The following SH3RF2 variants were observed in gnomAD, a reference collection of about 807,000 sequenced individuals.
The protein encoded by SH3RF2 is E3 ubiquitin-protein ligase SH3RF2.
Under a neutral mutation model 59.0 loss-of-function variants are expected in SH3RF2, and 43 were observed. The ratio of observed to expected loss-of-function variants is 0.73; its 90% CI spans 0.57 to 0.94. The LOEUF is 0.94. Among genes scored for constraint, SH3RF2 ranks in the 40% least tolerant of loss-of-function variants. The probability of loss-of-function intolerance (pLI) is 0.00; values close to 1 mark genes in which losing one functional copy is unlikely to be tolerated. For synonymous variants in SH3RF2, 391 were observed against 391.5 expected (o/e 1.00, Z 0.01); for missense variants, 930 against 940.1 (o/e 0.99, Z 0.14).
chr5:145,965,721 G>A (rs954338782), intron 2 of SH3RF2, among the ~76,000 whole-genome samples: 1 of 152,106 alleles, frequency 6.6e-6, no homozygotes, highest in Non-Finnish European at 1.5e-5. Context: ...CCAGCCAGAC[G>A]ACTAGGCCAT....
chr5:145,948,840 A>G (rs1230647561), intron 2 of SH3RF2, among the ~76,000 whole-genome samples: 2 of 152,210 alleles, frequency 1.3e-5, no homozygotes, highest in African/African-American at 4.8e-5. Context: ...CAGACTGTAC[A>G]GTGCTGTCTG....
At chr5:145,939,496 C>T (rs1342734434) in intron 2 of SH3RF2, among the ~76,000 whole-genome samples, 1 of 152,212 alleles carries the variant, frequency 6.6e-6, no homozygotes, top group Non-Finnish European at 1.5e-5. Flanking sequence ...CTTTAAACCA[C>T]CCATGGCGCA....
chr5:145,971,552 AC>A (rs1759079967), intron 2 of SH3RF2, among the ~76,000 whole-genome samples: 1 of 152,360 alleles, frequency 6.6e-6, no homozygotes, highest in East Asian at 1.9e-4. Context: ...GGCACCAAAT[AC>A]AGTGTTTATT....
chr5:146,062,935 T>A lies in SH3RF2; in HGVS notation c.*234T>A. On this transcript the variant is annotated 3_prime_UTR_variant, in exon 10 of 10. Coordinates refer to ENST00000359120, the MANE Select transcript of SH3RF2 (RefSeq NM_152550.4). ...ATGATTTGATGCCACAAAGCTCGCT[T>A]ACTCAGACCAAGGAGTGAAAAATTG... 1 of 571,324 alleles carries A rather than the reference T, an allele frequency of 1.8e-6. No individual in the cohort carries two copies. Among genetic ancestry groups the A allele is most frequent in the Non-Finnish European group, 3.0e-6 (1 of 329,546 alleles). 35.4% of individuals were successfully genotyped at this position (571,324 alleles called of 1,614,324 possible).
At chr5:146,019,170 C>A (rs111650951) in intron 5 of SH3RF2, among the ~76,000 whole-genome samples, 3,758 of 152,104 alleles carry the variant, frequency 0.025, 164 homozygotes, top group African/African-American at 0.087. Flanking sequence ...TGGTCTTAGT[C>A]ATAAATTCTT....
chr5:146,004,616 A>G (rs946381816), intron 4 of SH3RF2, among the ~76,000 whole-genome samples: 1 of 152,132 alleles, frequency 6.6e-6, no homozygotes, highest in African/African-American at 2.4e-5. Flanking sequence ...TGTGGTGATG[A>G]AAAAAGTGTC....
At chr5:145,942,455 A>G (rs1446310462) in intron 2 of SH3RF2, among the ~76,000 whole-genome samples, 3 of 152,172 alleles carry the variant, frequency 2.0e-5, no homozygotes, top group African/African-American at 7.2e-5. Flanking sequence ...CTGGTGTTGC[A>G]AGCAACTGAT....
intron 2 of SH3RF2, among the ~76,000 whole-genome samples, chr5:145,990,669 G>C (rs1254123865): frequency 6.6e-6 from 1 of 152,196 alleles, no homozygotes; most frequent in South Asian, 2.1e-4. Context: ...GTGGCTTCCA[G>C]ACCCTACTGA....
In SH3RF2 at chr5:146,056,111, G is replaced by A. The variant is rs199579262; in HGVS notation, c.1453G>A (p.Val485Ile). The change falls in exon 8 of 10, where the codon GTC becomes ATC. Residue 485 changes from valine (V) to isoleucine (I), a missense_variant. Transcript: ENST00000359120. Reference protein sequence around the residue: ...DPRQSRPFKSVFVPTAIVNPV... With the variant: ...DPRQSRPFKSIFVPTAIVNPV... ...ACGGCAAAGCCGTCCCTTCAAATCCGTCTTTGTGCCCACTGCCATAGTCAA... is the reference window on the plus strand; with the variant it reads ...ACGGCAAAGCCGTCCCTTCAAATCCATCTTTGTGCCCACTGCCATAGTCAA... 1.4e-4 allele frequency: 223 copies of A among 1,614,202 alleles called. 1 individual carries two copies. The South Asian group carries it at 1.9e-3, about 14-fold the overall frequency.
At chr5:146,067,558 T>C (rs1036493033), downstream of SH3RF2, among the ~76,000 whole-genome samples, 11 of 152,252 alleles carry the variant, frequency 7.2e-5, no homozygotes, top group African/African-American at 2.4e-4. Flanking sequence ...TCTCACTCAG[T>C]AGTTTGAAGG....
At chr5:146,000,473 A>G in intron 3 of SH3RF2, 146 bp downstream of exon 3, 1 of 661,916 alleles carries the variant, frequency 1.5e-6, no homozygotes, top group Non-Finnish European at 2.0e-6. Flanking sequence ...ATAAAAATAT[A>G]TTTTGTGCAT....
intron 9 of SH3RF2, 37 bp downstream of exon 9, chr5:146,060,261 G>A (rs749452925): frequency 2.6e-6 from 4 of 1,535,810 alleles, no homozygotes; most frequent in Admixed American, 3.8e-5. Context: ...CAACTCTTTC[G>A]ATCCCGTACT....
intron 2 of SH3RF2, among the ~76,000 whole-genome samples, chr5:145,952,594 C>G (rs951810254): frequency 6.6e-6 from 1 of 152,190 alleles, no homozygotes; most frequent in African/African-American, 2.4e-5. Flanking sequence ...AGACACTAAA[C>G]TAAGCTCTAG....
At chr5:146,042,819 GA>G (rs1276053662) in intron 5 of SH3RF2, among the ~76,000 whole-genome samples, 2 of 152,182 alleles carry the variant, frequency 1.3e-5, no homozygotes, top group East Asian at 1.9e-4. Context: ...AAAAGGGAGG[GA>G]AAAAAATGTG....
At chr5:146,023,697 T>C (rs1468347652) in intron 5 of SH3RF2, among the ~76,000 whole-genome samples, 2 of 152,208 alleles carry the variant, frequency 1.3e-5, no homozygotes, top group Non-Finnish European at 2.9e-5. Flanking sequence ...TAGTCAATTT[T>C]AAACATTTCC....
chr5:145,967,906 C>T (rs1231879613), intron 2 of SH3RF2, among the ~76,000 whole-genome samples: 2 of 152,130 alleles, frequency 1.3e-5, no homozygotes, highest in African/African-American at 4.8e-5. Context: ...GTGATCCACC[C>T]ACCTTGGCCT....
intron 7 of SH3RF2, chr5:146,055,761 C>T: frequency 3.4e-6 from 2 of 584,318 alleles, no homozygotes; most frequent in East Asian, 5.8e-5. Context: ...GCCCCCCTTC[C>T]TTCCCTCAGC....
chr5:145,991,629 G>C (rs4141240), intron 2 of SH3RF2, among the ~76,000 whole-genome samples: 92,515 of 151,974 alleles, frequency 0.61, 28,437 homozygotes, highest in Middle Eastern at 0.8. Context: ...TAATTCATTT[G>C]CACAATATTT....
chr5:145,959,487 C>A (rs1276916810), intron 2 of SH3RF2, among the ~76,000 whole-genome samples: 1 of 151,986 alleles, frequency 6.6e-6, no homozygotes, highest in East Asian at 1.9e-4. Flanking sequence ...CAGATTCACC[C>A]CCCTCTGCCT....
Sources: allele counts gnomAD v4.1 joint callset (sites outside exome capture counted in the v4.1 genomes callset), GRCh38; gene constraint gnomAD v4.1.1; transcripts MANE v1.5; gene names NCBI Gene and HGNC (gene_info 2026-07-23, HGNC 2026-07-21).